SNX29: variants seen among roughly 807,000 people sequenced by gnomAD.
SNX29 encodes the protein sorting nexin-29.
Under a neutral mutation model 102.1 loss-of-function variants are expected in SNX29, and 78 were observed. That is an observed-to-expected ratio of 0.76 (90% CI 0.64 to 0.92). SNX29 has a LOEUF of 0.92. SNX29 is among the 40% of genes least tolerant of loss of function. The pLI is 0.00. For synonymous variants in SNX29, 580 were observed against 414.5 expected (o/e 1.40, Z -4.85); for missense variants, 1,280 against 1,061.7 (o/e 1.21, Z -2.86).
intron 13 of SNX29, among the ~76,000 whole-genome samples, chr16:12,145,268 C>G (rs1220953486): frequency 1.3e-5 from 2 of 152,042 alleles, no homozygotes; most frequent in Non-Finnish European, 2.9e-5. Context: ...GGAAAAGAGT[C>G]CCAAATCCCA....
chr16:12,277,292 C>A (rs1461029392), intron 14 of SNX29, among the ~76,000 whole-genome samples: 1 of 152,034 alleles, frequency 6.6e-6, no homozygotes, highest in Non-Finnish European at 1.5e-5. Context: ...CCCAGTGACT[C>A]AGGAGGCTGA....
intron 16 of SNX29, among the ~76,000 whole-genome samples, chr16:12,358,274 C>G (rs1169864089): frequency 6.6e-6 from 1 of 152,202 alleles, no homozygotes; most frequent in Non-Finnish European, 1.5e-5. Flanking sequence ...TTTTCATCCG[C>G]TGTTCCTGGC....
chr16:12,027,492 CTCTTTT>C (rs1567542124), intron 4 of SNX29, 48 bp downstream of exon 4: 1 of 1,603,336 alleles, frequency 6.2e-7, no homozygotes, highest in East Asian at 2.2e-5. Flanking sequence ...CTTCCTTCTG[CTCTTTT>C]TCTTTTTATT....
intron 11 of SNX29, among the ~76,000 whole-genome samples, chr16:12,083,542 T>TA (rs2052017292): frequency 2.0e-5 from 3 of 152,144 alleles, no homozygotes; most frequent in African/African-American, 7.2e-5. Context: ...ATGACCTTAT[T>TA]AACTTTGATT....
chr16:12,361,887 A>G (rs2082309891), intron 16 of SNX29, among the ~76,000 whole-genome samples: 1 of 151,530 alleles, frequency 6.6e-6, no homozygotes, highest in Non-Finnish European at 1.5e-5. Flanking sequence ...GGAATCTGTA[A>G]CTGTTACCAG....
At chr16:12,487,203 G>A (rs1413487520) in intron 19 of SNX29, among the ~76,000 whole-genome samples, 2 of 152,186 alleles carry the variant, frequency 1.3e-5, no homozygotes, top group Non-Finnish European at 2.9e-5. Context: ...TAGGTAAGGG[G>A]CATTGGGCTG....
chr16:12,480,374 A>G (rs907673858), intron 19 of SNX29, among the ~76,000 whole-genome samples: 2 of 152,146 alleles, frequency 1.3e-5, no homozygotes, highest in African/African-American at 4.8e-5. Context: ...GACATCACTC[A>G]GCCCTCTGCT....
In SNX29 at chr16:12,398,802, C is replaced by T. The variant is rs1016422969; in HGVS notation, c.1955+301C>T. Among the ~76,000 whole-genome samples, 6 of 151,716 alleles carry T rather than the reference C, an allele frequency of 4.0e-5. No homozygotes were observed. The East Asian group carries it at 1.2e-3, about 29-fold the overall frequency. On this transcript the variant is annotated intron_variant, in intron 17 of 20. Transcript: ENST00000566228. ...TTTTCTTTAAAAATGAGACGCTTGT[C>T]CCTGTGAGGCCACAGTCTGCTGGAG...
chr16:12,394,308 C>T (rs189938607), intron 16 of SNX29, among the ~76,000 whole-genome samples: 15 of 152,210 alleles, frequency 9.9e-5, no homozygotes, highest in East Asian at 1.9e-4. Flanking sequence ...AGGCAAGATG[C>T]GAAGAACGGA....
chr16:12,555,306 C>T (rs139734472), intron 20 of SNX29, among the ~76,000 whole-genome samples: 5 of 151,542 alleles, frequency 3.3e-5, no homozygotes, highest in East Asian at 2.0e-4. Flanking sequence ...CCAGTCAATC[C>T]CTCTCATAGC....
At chr16:12,335,270 T>C (rs961170836) in intron 15 of SNX29, among the ~76,000 whole-genome samples, 4 of 152,118 alleles carry the variant, frequency 2.6e-5, no homozygotes, top group Non-Finnish European at 5.9e-5. Flanking sequence ...CATCCAGACT[T>C]GGAAAAGATT....
intron 20 of SNX29, chr16:12,526,891 A>C (rs1157512115): frequency 1.3e-5 from 5 of 395,314 alleles, no homozygotes; most frequent in African/African-American, 1.0e-4. Flanking sequence ...GTGTGACATG[A>C]ATCTCAGCCA....
chr16:12,005,971 A>C (rs1167661574), intron 3 of SNX29, among the ~76,000 whole-genome samples: 1 of 152,202 alleles, frequency 6.6e-6, no homozygotes, highest in African/African-American at 2.4e-5. Flanking sequence ...GTTCTATTTT[A>C]TAGTAGAATT....
intron 13 of SNX29, among the ~76,000 whole-genome samples, chr16:12,169,530 C>T (rs530231630): frequency 1.2e-4 from 19 of 152,130 alleles, no homozygotes; most frequent in African/African-American, 3.9e-4. Flanking sequence ...GCAACATGGA[C>T]GTACTGTGTG....
intron 18 of SNX29, among the ~76,000 whole-genome samples, chr16:12,425,835 C>G (rs529639919): frequency 3.9e-5 from 6 of 152,182 alleles, no homozygotes; most frequent in African/African-American, 1.4e-4. Flanking sequence ...TTTTTTCATG[C>G]TGCTTTTTTC....
At chr16:12,275,261 G>A (rs1264759628) in intron 14 of SNX29, among the ~76,000 whole-genome samples, 4 of 152,128 alleles carry the variant, frequency 2.6e-5, no homozygotes, top group African/African-American at 9.7e-5. Flanking sequence ...AGAGGCACAT[G>A]CTGTCTGCCT....
chr16:12,189,159 T>A (rs2076582633), intron 13 of SNX29, among the ~76,000 whole-genome samples: 1 of 152,242 alleles, frequency 6.6e-6, no homozygotes, highest in Non-Finnish European at 1.5e-5. Context: ...ATGTGTTTCC[T>A]ACAAGCAAAA....
chr16:12,087,269 G>A (rs780185392), intron 11 of SNX29: 31 of 158,420 alleles, frequency 2.0e-4, no homozygotes, highest in Admixed American at 5.3e-4. Flanking sequence ...ATGGTGGTGG[G>A]TGCCTGTAAT....
At chr16:12,346,911 G>C (rs2073389157) in intron 15 of SNX29, among the ~76,000 whole-genome samples, 1 of 152,104 alleles carries the variant, frequency 6.6e-6, no homozygotes, top group South Asian at 2.1e-4. Context: ...CACATGTCGG[G>C]AGAAATGATG....
Sources: gnomAD v4.1 joint callset for allele counts (sites outside exome capture counted in the v4.1 genomes callset) on GRCh38, gnomAD v4.1.1 for gene constraint, MANE v1.5 for transcripts, NCBI Gene and HGNC (gene_info 2026-07-23, HGNC 2026-07-21) for gene names.